AK5: variants seen among roughly 807,000 people sequenced by gnomAD.
The protein encoded by AK5 is adenylate kinase 5.
Under a neutral mutation model 69.5 loss-of-function variants are expected in AK5, and 27 were observed. The ratio of observed to expected loss-of-function variants is 0.39; its 90% CI spans 0.29 to 0.54. The LOEUF (loss-of-function observed/expected upper bound fraction) is 0.54. Among genes scored for constraint, AK5 ranks in the 20% least tolerant of loss-of-function variants. The pLI is 0.71. For missense variants in AK5, 531 were observed against 700.4 expected (o/e 0.76, Z 2.73); for synonymous variants, 260 against 244.4 (o/e 1.06, Z -0.60).
At chr1:77,308,618 C>G (rs181296343) in intron 5 of AK5, among the ~76,000 whole-genome samples, 88 of 151,894 alleles carry the variant, frequency 5.8e-4, no homozygotes, top group Non-Finnish European at 8.1e-4. Context: ...ACAACCTAAG[C>G]GATGTGTTTT....
chr1:77,458,983 G>A (rs1653666008), intron 8 of AK5, among the ~76,000 whole-genome samples: 1 of 152,170 alleles, frequency 6.6e-6, no homozygotes, highest in South Asian at 2.1e-4. Context: ...TGCCCAGGGA[G>A]CAGGATCCTG....
chr1:77,334,896 G>T (rs1661271350), intron 5 of AK5, among the ~76,000 whole-genome samples: 1 of 152,160 alleles, frequency 6.6e-6, no homozygotes, highest in Non-Finnish European at 1.5e-5. Flanking sequence ...CTAACCCTGT[G>T]ATCTGTTGAA....
intron 11 of AK5, among the ~76,000 whole-genome samples, 185 bp from the exon 12 acceptor site, chr1:77,521,642 A>C (rs1657989201): frequency 6.6e-6 from 1 of 152,196 alleles, no homozygotes; most frequent in African/African-American, 2.4e-5. Context: ...AATACCTGCC[A>C]ATTTCATAGA....
intron 13 of AK5, among the ~76,000 whole-genome samples, chr1:77,555,465 G>A (rs988788937): frequency 3.3e-5 from 5 of 152,028 alleles, no homozygotes; most frequent in South Asian, 2.1e-4. Context: ...TAGTCAACAC[G>A]TGCAAAGACT....
intron 10 of AK5, among the ~76,000 whole-genome samples, chr1:77,501,094 A>C (rs899680483): frequency 1.3e-5 from 2 of 152,174 alleles, no homozygotes; most frequent in African/African-American, 4.8e-5. Context: ...CAAAGAATGG[A>C]TGGGATTCCC....
At chr1:77,499,870 A>ATTTTTTTTTT (rs1178365313) in intron 10 of AK5, among the ~76,000 whole-genome samples, 1 of 50,452 alleles carries the variant, frequency 2.0e-5, no homozygotes, top group African/African-American at 1.1e-4. Flanking sequence ...CCCTTTTTCC[A>ATTTTTTTTTT]TTTTTTTTTT....
intron 5 of AK5, among the ~76,000 whole-genome samples, chr1:77,334,778 G>A (rs1334569708): frequency 6.6e-6 from 1 of 152,124 alleles, no homozygotes; most frequent in African/African-American, 2.4e-5. Context: ...CACATACTCT[G>A]ATGGTATACC....
At chr1:77,358,072 T>C (rs1662641729) in intron 6 of AK5, among the ~76,000 whole-genome samples, 1 of 149,292 alleles carries the variant, frequency 6.7e-6, no homozygotes, top group Admixed American at 6.7e-5. Flanking sequence ...CATCTATGGG[T>C]GGGTGCTGCT....
chr1:77,418,712 A>G (rs1650594062), intron 8 of AK5, among the ~76,000 whole-genome samples: 1 of 152,246 alleles, frequency 6.6e-6, no homozygotes, highest in African/African-American at 2.4e-5. Flanking sequence ...CTAAAAGCCA[A>G]GTGAACATGT....
At chr1:77,491,087 G>A (rs1020568534) in intron 10 of AK5, among the ~76,000 whole-genome samples, 10 of 151,902 alleles carry the variant, frequency 6.6e-5, no homozygotes, top group African/African-American at 2.4e-4. Context: ...GTGATAAACT[G>A]TTTTTAAGTA....
chr1:77,444,368 A>T (rs60054975), intron 8 of AK5, among the ~76,000 whole-genome samples: 4 of 38,516 alleles, frequency 1.0e-4, no homozygotes, highest in African/African-American at 4.9e-4. Context: ...ATATAGTATA[A>T]ATATATACTA....
At chr1:77,535,480 T>G (rs901277166) in intron 12 of AK5, among the ~76,000 whole-genome samples, 1 of 152,110 alleles carries the variant, frequency 6.6e-6, no homozygotes, top group African/African-American at 2.4e-5. Context: ...GAGAAGTGAT[T>G]AGCTGTGCCT....
intron 2 of AK5, among the ~76,000 whole-genome samples, chr1:77,290,219 T>C (rs1415485824): frequency 1.3e-5 from 2 of 152,224 alleles, no homozygotes; most frequent in African/African-American, 4.8e-5. Flanking sequence ...ATTTCTAAAC[T>C]GGTTGGTCCT....
At chr1:77,288,809 A>G (rs1222121469) in intron 2 of AK5, among the ~76,000 whole-genome samples, 1 of 152,186 alleles carries the variant, frequency 6.6e-6, no homozygotes, top group Admixed American at 6.5e-5. Context: ...AGGTAATAAG[A>G]TTAGCATTCT....
At chr1:77,441,242 CATT>C (rs1444948914) in intron 8 of AK5, among the ~76,000 whole-genome samples, 4 of 152,258 alleles carry the variant, frequency 2.6e-5, no homozygotes, top group Admixed American at 2.0e-4. Flanking sequence ...TCTAGTACAT[CATT>C]GAGTTTCCTT....
In AK5 at chr1:77,558,604, A is replaced by C. The variant is rs1431739251; in HGVS notation, c.1623A>C (p.Ile541=). 7 of 1,581,052 alleles carry C rather than the reference A, an allele frequency of 4.4e-6. No homozygotes were observed. Among genetic ancestry groups the C allele is most frequent in the African/African-American group, 1.3e-5 (1 of 74,402 alleles). ...YYETKTQLHK[I]NAEGTPEDVF... ...TCTTTTTTTCCTTTTAAATATAGATAAATGCAGAGGGAACACCAGAGGACG... is the reference window on the plus strand; with the variant it reads ...TCTTTTTTTCCTTTTAAATATAGATCAATGCAGAGGGAACACCAGAGGACG... The change falls in exon 14 of 14, where the codon ATA becomes ATC. Residue 541 remains isoleucine (I), a splice_region_variant and synonymous_variant. Transcript: ENST00000354567.
Position 77,367,904 on chromosome 1 carries a change from T to TATAATATATGTGATATATA in AK5, c.891+27339_891+27340insATATATGTGATATATAATA, listed in dbSNP as rs1647026163. Among the ~76,000 whole-genome samples, 7 of 3,948 alleles carry TATAATATATGTGATATATA rather than the reference T, an allele frequency of 1.8e-3. 1 individual carries two copies. Among genetic ancestry groups the TATAATATATGTGATATATA allele is most frequent in the Non-Finnish European group, 2.8e-3 (6 of 2,106 alleles). The allele number at this position is 3,948 out of a possible 152,430, so 2.6% of individuals were successfully genotyped here. On this transcript the variant is annotated intron_variant, in intron 6 of 13. Transcript: ENST00000354567. The stretch of plus-strand genomic sequence containing the variant: ...TATAAAATATATGTGATATATATTA[T>TATAATATATGTGATATATA]ATATAAAATATATGTGATATATATT...
At chr1:77,489,155 C>T (rs1655813846) in intron 10 of AK5, among the ~76,000 whole-genome samples, 2 of 152,262 alleles carry the variant, frequency 1.3e-5, no homozygotes, top group Non-Finnish European at 2.9e-5. Context: ...AGTCCTGTGC[C>T]CTTCAAAAGG....
At chr1:77,397,213 C>G (rs142498451) in intron 6 of AK5, among the ~76,000 whole-genome samples, 56 of 152,274 alleles carry the variant, frequency 3.7e-4, no homozygotes, top group Non-Finnish European at 6.8e-4. Context: ...CTGGTATGCC[C>G]TTCCTTTCCT....
Sources: gnomAD v4.1 joint callset for allele counts (sites outside exome capture counted in the v4.1 genomes callset) on GRCh38, gnomAD v4.1.1 for gene constraint, MANE v1.5 for transcripts, NCBI Gene and HGNC (gene_info 2026-07-23, HGNC 2026-07-21) for gene names.